The following SYNCRIP variants were observed in gnomAD, a reference collection of about 807,000 sequenced individuals.
The protein encoded by SYNCRIP is heterogeneous nuclear ribonucleoprotein Q.
A neutral mutation model predicts 68.9 loss-of-function variants in SYNCRIP; 9 were observed. That is an observed-to-expected ratio of 0.13 (90% CI 0.08 to 0.23). The LOEUF is 0.23. Among genes scored for constraint, SYNCRIP ranks in the 10% least tolerant of loss-of-function variants. The probability of loss-of-function intolerance (pLI) is 1.00; values close to 1 mark genes in which losing one functional copy is unlikely to be tolerated. For synonymous variants in SYNCRIP, 258 were observed against 254.0 expected, an observed-to-expected ratio of 1.02 and a Z score of -0.15; for missense variants, 414 against 770.6, an observed-to-expected ratio of 0.54 and a Z score of 5.48.
chr6:85,620,830 C>G (rs527492329), intron 8 of SYNCRIP, among the ~76,000 whole-genome samples: 1 of 152,212 alleles, frequency 6.6e-6, no homozygotes, highest in East Asian at 1.9e-4. Flanking sequence ...AGACTACAGG[C>G]TACATCAGTA....
At chr6:85,627,271 A>G (rs1005516052) in intron 6 of SYNCRIP, among the ~76,000 whole-genome samples, 1 of 141,636 alleles carries the variant, frequency 7.1e-6, no homozygotes, top group East Asian at 2.0e-4. Context: ...CCATCTCTAC[A>G]AAAAAAAAAA....
At chr6:85,630,178 G>A (rs567937033) in intron 6 of SYNCRIP, among the ~76,000 whole-genome samples, 84 of 151,840 alleles carry the variant, frequency 5.5e-4, no homozygotes, top group African/African-American at 2.0e-3. Flanking sequence ...TGGCTAACAC[G>A]GTGAAACCCC....
chr6:85,636,724 G>A (rs1324724024), intron 6 of SYNCRIP, among the ~76,000 whole-genome samples: 1 of 152,064 alleles, frequency 6.6e-6, no homozygotes, highest in African/African-American at 2.4e-5. Context: ...ACGTCACTAA[G>A]CCAGATGTTT....
upstream of SYNCRIP, chr6:85,643,806 G>A (rs1026925773): frequency 2.0e-5 from 3 of 152,044 alleles, no homozygotes; most frequent in African/African-American, 7.2e-5. Flanking sequence ...GCCGTTCCAG[G>A]CGGTGTCCAC....
At chr6:85,634,744 T>A (rs1450800355) in intron 6 of SYNCRIP, among the ~76,000 whole-genome samples, 2 of 152,228 alleles carry the variant, frequency 1.3e-5, no homozygotes, top group African/African-American at 4.8e-5. Flanking sequence ...ACTGCTACTT[T>A]ATTGCTACTT....
chr6:85,639,206 TC>T (rs1291357515), intron 4 of SYNCRIP, among the ~76,000 whole-genome samples: 1 of 151,828 alleles, frequency 6.6e-6, no homozygotes, highest in Non-Finnish European at 1.5e-5. Context: ...AGACTCTGTC[TC>T]CCAAAAACAA....
chr6:85,619,187 A>G lies in SYNCRIP; in HGVS notation c.1158+81T>C, dbSNP rs192373856. On this transcript the variant is annotated intron_variant, in intron 9 of 10. Coordinates refer to ENST00000369622, the MANE Select transcript of SYNCRIP (RefSeq NM_006372.5). ...TCCATGGACTTCCAAAGTCTCCTCC[A>G]ATTTGTAAAACTATTTTGAGATTCT... 770 of 1,565,646 alleles carry G rather than the reference A, an allele frequency of 4.9e-4. 8 individuals carry two copies. In the East Asian group the frequency reaches 0.011, roughly 23 times the overall value.
rs1024009758 is a variant in SYNCRIP at position 85,630,136 on chromosome 6, C to A, written c.667-6024G>T. On this transcript the variant is annotated intron_variant, in intron 6 of 10. Transcript: ENST00000369622. Reference sequence around the variant, plus strand: ...CAGCACTTTGGGAGGCTGAGACAGGCGGATCACGAGGTCAGGAGATAGAGA... The same window carrying A: ...CAGCACTTTGGGAGGCTGAGACAGGAGGATCACGAGGTCAGGAGATAGAGA... Among the ~76,000 whole-genome samples, 8 of 151,956 alleles carry A rather than the reference C, an allele frequency of 5.3e-5. 1 individual carries two copies. The highest frequency in any genetic ancestry group is 2.1e-4 in the South Asian group (1 of 4,822).
intron 4 of SYNCRIP, among the ~76,000 whole-genome samples, 168 bp downstream of exon 4, chr6:85,640,053 T>C (rs772626037): frequency 2.6e-5 from 4 of 152,110 alleles, no homozygotes; most frequent in South Asian, 2.1e-4. Flanking sequence ...TCACAGCAAA[T>C]TGCTTTAGAA....
chr6:85,616,224 T>TA (rs1428596830), intron 10 of SYNCRIP, among the ~76,000 whole-genome samples: 6 of 152,248 alleles, frequency 3.9e-5, no homozygotes, highest in Non-Finnish European at 8.8e-5. Flanking sequence ...CCTTAAAACT[T>TA]AGTGATTATT....
chr6:85,618,465 C>T (rs1483626532), intron 10 of SYNCRIP, among the ~76,000 whole-genome samples: 6 of 151,906 alleles, frequency 3.9e-5, no homozygotes, highest in Admixed American at 6.6e-5. Context: ...CTCTTGAACC[C>T]GGGAGGTGGA....
intron 6 of SYNCRIP, among the ~76,000 whole-genome samples, chr6:85,635,040 C>T (rs1808286566): frequency 6.6e-6 from 1 of 152,132 alleles, no homozygotes; most frequent in Non-Finnish European, 1.5e-5. Context: ...TGGTACGCGC[C>T]TATTATCCCA....
In SYNCRIP at chr6:85,641,505, A is replaced by G. The variant is rs576127683; in HGVS notation, c.-12-54T>C. 6.5e-6 allele frequency: 10 copies of G among 1,530,250 alleles called. No homozygotes were observed. In the Admixed American group the frequency reaches 9.6e-5, roughly 15 times the overall value. 94.8% of individuals were successfully genotyped at this position (1,530,250 alleles called of 1,614,324 possible). A position where few individuals can be genotyped will look rare whatever the true frequency, so the allele number is the denominator to read the frequency against. ...CTAGGATCTTCAAAAAGAATACAAGACAATATGAGAGCCCCATCTTTACTT... is the reference window on the plus strand; with the variant it reads ...CTAGGATCTTCAAAAAGAATACAAGGCAATATGAGAGCCCCATCTTTACTT... On this transcript the variant is annotated intron_variant, in intron 1 of 10. Transcript: ENST00000369622.
At chr6:85,628,592 C>T (rs1053309432) in intron 6 of SYNCRIP, among the ~76,000 whole-genome samples, 3 of 152,120 alleles carry the variant, frequency 2.0e-5, no homozygotes, top group Admixed American at 6.5e-5. Flanking sequence ...ATACTGTAAA[C>T]GCAGACTGAA....
In SYNCRIP at chr6:85,614,065, A is replaced by G; in HGVS notation, c.*691T>C. 1.0e-6 allele frequency: 1 copy of G among 985,858 alleles called. No homozygotes were observed. Among genetic ancestry groups the G allele is most frequent in the South Asian group, 4.7e-5 (1 of 21,286 alleles). 61.1% of individuals were successfully genotyped at this position (985,858 alleles called of 1,614,324 possible). On this transcript the variant is annotated 3_prime_UTR_variant, in exon 11 of 11. Coordinates refer to ENST00000369622, the MANE Select transcript of SYNCRIP (RefSeq NM_006372.5). Reference sequence around the variant, plus strand: ...AAACCAGAAGCAGAAAACTGCAATAAATCAGTGTTGTGTAATGTGCAGACA... The same window carrying G: ...AAACCAGAAGCAGAAAACTGCAATAGATCAGTGTTGTGTAATGTGCAGACA...
intron 3 of SYNCRIP, 44 bp downstream of exon 3, chr6:85,640,402 A>G (rs1256176703): frequency 6.3e-7 from 1 of 1,579,772 alleles, no homozygotes; most frequent in Non-Finnish European, 8.7e-7. Flanking sequence ...GATAGTATCA[A>G]AACTACTCAA....
intron 10 of SYNCRIP, among the ~76,000 whole-genome samples, chr6:85,617,195 CTT>C (rs1805874210): frequency 7.4e-6 from 1 of 135,166 alleles, no homozygotes; most frequent in African/African-American, 2.8e-5. Context: ...TTAGTTAAAA[CTT>C]AAAAAAAAAA....
At chr6:85,629,876 CG>C in intron 6 of SYNCRIP, among the ~76,000 whole-genome samples, 1 of 151,508 alleles carries the variant, frequency 6.6e-6, no homozygotes, top group Admixed American at 6.6e-5. Context: ...CCCAGCTACT[CG>C]GGAGGCCGAG....
intron 8 of SYNCRIP, among the ~76,000 whole-genome samples, chr6:85,619,629 A>G (rs920254393): frequency 1.3e-5 from 2 of 152,232 alleles, no homozygotes; most frequent in African/African-American, 4.8e-5. Context: ...CTTTGCCAAA[A>G]AAGATATACA....
Sources: allele counts gnomAD v4.1 joint callset (sites outside exome capture counted in the v4.1 genomes callset), GRCh38; gene constraint gnomAD v4.1.1; transcripts MANE v1.5; gene names NCBI Gene and HGNC (gene_info 2026-07-23, HGNC 2026-07-21).